Variants in RANBP2 observed in about 807,000 individuals in gnomAD.
RANBP2 encodes RAN binding protein 2.
RANBP2 carries 57 observed loss-of-function variants against 303.6 expected under a neutral mutation model. That is an observed-to-expected ratio of 0.19 (90% CI 0.15 to 0.23). The LOEUF (loss-of-function observed/expected upper bound fraction) is 0.23, where lower values mean the gene tolerates loss of function less well. Ranked by LOEUF, RANBP2 falls within the 10% of genes least tolerant of loss-of-function variation. The probability of loss-of-function intolerance (pLI) is 1.00; values close to 1 mark genes in which losing one functional copy is unlikely to be tolerated. For synonymous variants in RANBP2, 1,167 were observed against 1,301.5 expected (o/e 0.90, Z 2.23); for missense variants, 3,138 against 3,780.8 (o/e 0.83, Z 4.46).
At chr2:109,572,851 G>T in the RANBP2 span, among the ~76,000 whole-genome samples, 1 of 152,022 alleles carries the variant, frequency 6.6e-6, no homozygotes, top group Non-Finnish European at 1.5e-5. Flanking sequence ...TCCTGACCTT[G>T]TGATCCGCCT....
the RANBP2 span, among the ~76,000 whole-genome samples, chr2:109,024,031 T>C: frequency 6.6e-6 from 1 of 152,202 alleles, no homozygotes; most frequent in Non-Finnish European, 1.5e-5. Flanking sequence ...GTTGAAGCGA[T>C]TCTCCTGCCT....
intron 1 of RANBP2, among the ~76,000 whole-genome samples, chr2:108,721,815 C>T (rs1694274518): frequency 6.6e-6 from 1 of 152,104 alleles, no homozygotes; most frequent in South Asian, 2.1e-4. Context: ...GATCGTGGCT[C>T]ACTGCAGCGT....
the RANBP2 span, among the ~76,000 whole-genome samples, chr2:109,325,388 C>T: frequency 1.7e-5 from 2 of 118,616 alleles, no homozygotes; most frequent in African/African-American, 6.7e-5. Flanking sequence ...GTCACTCAGG[C>T]TGGAGTACAG....
the RANBP2 span, among the ~76,000 whole-genome samples, chr2:108,888,128 G>GT: frequency 2.6e-5 from 4 of 151,890 alleles, no homozygotes; most frequent in African/African-American, 4.8e-5. Flanking sequence ...TGATCATATG[G>GT]TTTTTTTCCT....
chr2:109,427,071 C>T, the RANBP2 span, among the ~76,000 whole-genome samples: 14 of 152,226 alleles, frequency 9.2e-5, no homozygotes, highest in East Asian at 1.9e-3. Context: ...TGGGTTCAAG[C>T]GATTCTCTGG....
At chr2:108,789,006 T>C (rs755085444), downstream of RANBP2, 6 of 1,606,668 alleles carry the variant, frequency 3.7e-6, no homozygotes, top group Non-Finnish European at 4.3e-6. Flanking sequence ...ACCCCCTCAG[T>C]ATCTCAAAAA....
chr2:109,093,894 G>A, the RANBP2 span, among the ~76,000 whole-genome samples: 2 of 152,186 alleles, frequency 1.3e-5, no homozygotes, highest in African/African-American at 2.4e-5. Flanking sequence ...CCCATTCTGG[G>A]AAAACCTCTG....
chr2:109,093,084 T>G, the RANBP2 span, among the ~76,000 whole-genome samples: 1 of 152,200 alleles, frequency 6.6e-6, no homozygotes, highest in Admixed American at 6.5e-5. Flanking sequence ...ACAGCAATTT[T>G]GGGGTTCATG....
chr2:109,501,729 G>C, the RANBP2 span: 4 of 701,550 alleles, frequency 5.7e-6, no homozygotes, highest in African/African-American at 7.0e-5. Flanking sequence ...GAAGCTCCAC[G>C]GCACACAGAG....
chr2:108,726,800 C>A (rs2149086930), intron 1 of RANBP2, among the ~76,000 whole-genome samples: 1 of 152,040 alleles, frequency 6.6e-6, no homozygotes, highest in Non-Finnish European at 1.5e-5. Flanking sequence ...GTGTTTGTGT[C>A]CCTGATTACT....
chr2:109,225,291 G>A, the RANBP2 span, among the ~76,000 whole-genome samples: 1 of 152,202 alleles, frequency 6.6e-6, no homozygotes, highest in Non-Finnish European at 1.5e-5. Context: ...CGGCTGAATA[G>A]TCCTCAAACC....
chr2:109,128,203 C>T, the RANBP2 span: 1 of 152,296 alleles, frequency 6.6e-6, no homozygotes. Context: ...CAGCCCACCG[C>T]CAAACTTCCC....
the RANBP2 span, among the ~76,000 whole-genome samples, chr2:108,793,029 A>G: frequency 6.7e-6 from 1 of 150,050 alleles, no homozygotes; most frequent in Admixed American, 6.7e-5. Context: ...GTGCCACTGC[A>G]CTCCAGTCTG....
chr2:109,562,618 T>G, the RANBP2 span, among the ~76,000 whole-genome samples: 2 of 152,124 alleles, frequency 1.3e-5, no homozygotes, highest in African/African-American at 4.8e-5. Flanking sequence ...TGATGATGAC[T>G]CCACCAGACA....
chr2:109,670,441 C>T, the RANBP2 span, among the ~76,000 whole-genome samples: 2,000 of 150,720 alleles, frequency 0.013, 12 homozygotes, highest in Non-Finnish European at 0.022. Context: ...GGATTGGGTG[C>T]GATAACTTGG....
the RANBP2 span, among the ~76,000 whole-genome samples, chr2:109,468,844 ACT>A: frequency 2.9e-5 from 4 of 137,900 alleles, no homozygotes; most frequent in African/African-American, 1.2e-4. Flanking sequence ...ACAAAGCAAG[ACT>A]CTGTCTCAGA....
the RANBP2 span, among the ~76,000 whole-genome samples, chr2:109,326,275 TA>T: frequency 6.6e-6 from 1 of 152,266 alleles, no homozygotes; most frequent in Non-Finnish European, 1.5e-5. Flanking sequence ...TTTGTTTTTT[TA>T]TGTAGTGTAC....
rs372722891 is a variant in RANBP2, at chr2:108,764,473, G to A, written c.3934G>A (p.Val1312Ile). The A allele has an allele frequency of 4.6e-5, 75 of 1,614,000 alleles. 2 individuals carry two copies. Among genetic ancestry groups the A allele is most frequent in the East Asian group, 3.6e-4 (16 of 44,870 alleles). The change falls in exon 20 of 29, where the codon GTA becomes ATA. Residue 1312 changes from valine to isoleucine, a missense_variant. This residue lies in a region of RANBP2 where 388 missense variants were observed against 328.5 expected (regional missense o/e 1.18). Transcript: ENST00000283195. Reference protein sequence around the residue: ...QSILKAPGTNVAMASNQAVRI... With the variant: ...QSILKAPGTNIAMASNQAVRI... The stretch of plus-strand genomic sequence containing the variant: ...CATTTTAAAAGCCCCAGGAACAAAT[G>A]TAGCCATGGCGTCAAATCAGGCTGT...
At chr2:109,535,793 G>GT in the RANBP2 span, among the ~76,000 whole-genome samples, 1 of 152,182 alleles carries the variant, frequency 6.6e-6, no homozygotes, top group African/African-American at 2.4e-5. Flanking sequence ...GTACACACAA[G>GT]TAAATGTCAG....
Sources: gnomAD v4.1 joint callset for allele counts (sites outside exome capture counted in the v4.1 genomes callset) on GRCh38, gnomAD v4.1.1 for gene constraint, gnomAD v4.1.1 regional missense constraint, MANE v1.5 for transcripts, NCBI Gene and HGNC (gene_info 2026-07-23, HGNC 2026-07-21) for gene names.